The following TNRC18 variants were observed in gnomAD, a reference collection of about 807,000 sequenced individuals.
TNRC18 encodes the protein trinucleotide repeat containing 18.
Under a neutral mutation model 226.7 loss-of-function variants are expected in TNRC18, and 69 were observed. The ratio of observed to expected loss-of-function variants is 0.30; its 90% CI spans 0.25 to 0.37. The LOEUF (loss-of-function observed/expected upper bound fraction) is 0.37, where lower values mean the gene tolerates loss of function less well. TNRC18 is among the 10% of genes least tolerant of loss of function. The pLI is 1.00. For synonymous variants in TNRC18, 2,449 were observed against 1,927.6 expected (o/e 1.27, Z -7.09); for missense variants, 4,754 against 4,256.6 (o/e 1.12, Z -3.25).
chr7:5,403,371 G>A (rs1408692161), intron 2 of TNRC18, among the ~76,000 whole-genome samples: 1 of 152,112 alleles, frequency 6.6e-6, no homozygotes, highest in Non-Finnish European at 1.5e-5. Context: ...TGTTGGTCAG[G>A]CTGGTCTCGA....
rs1583721876 is a variant in TNRC18 at position 5,312,432 on chromosome 7, A to T, written c.8388+71T>A. 5.8e-6 allele frequency: 9 copies of T among 1,553,114 alleles called. No individual in the cohort carries two copies. Among genetic ancestry groups the T allele is most frequent in the African/African-American group, 2.7e-5 (2 of 73,476 alleles). Reference sequence around the variant, plus strand: ...TTACCACACACGGAGACACAGCATGAAGCCGTGGGCCCAGCAGAGAGACAC... The same window carrying T: ...TTACCACACACGGAGACACAGCATGTAGCCGTGGGCCCAGCAGAGAGACAC... On this transcript the variant is annotated intron_variant, in intron 27 of 29. Transcript: ENST00000430969. This position sits in a 1 kb window ranked among gnomAD's most constrained non-coding sequence, Gnocchi z 6.3.
chr7:5,362,059 AG>A, intron 12 of TNRC18, 26 bp from the exon 13 acceptor site: 8 of 1,608,432 alleles, frequency 5.0e-6, no homozygotes, highest in Non-Finnish European at 5.9e-6. Context: ...GGAGAGGAGG[AG>A]GGGGTGAGGA....
At chr7:5,408,170 G>A (rs1018634012) in intron 2 of TNRC18, among the ~76,000 whole-genome samples, 15 of 151,942 alleles carry the variant, frequency 9.9e-5, no homozygotes, top group Non-Finnish European at 1.6e-4. Flanking sequence ...GTGGTGGCGC[G>A]CGCCTCTAGT....
chr7:5,323,920 C>T (rs1788632567), intron 21 of TNRC18, among the ~76,000 whole-genome samples: 1 of 152,198 alleles, frequency 6.6e-6, no homozygotes, highest in African/African-American at 2.4e-5. Context: ...CACATCTAAC[C>T]TCAGAAAGCT....
rs375606030 is a variant in TNRC18 at position 5,376,959 on chromosome 7, G to T, written c.2496C>A (p.Ala832=). The change falls in exon 8 of 30, where the codon GCC becomes GCA. Residue 832 remains alanine (A), a synonymous_variant. Transcript: ENST00000430969. The part of the protein sequence containing the change: ...LGPPSLHQGM[A]PAFPPGLGGS... ...CCCCCAGGCCAGGTGGGAACGCAGG[G>T]GCCATGCCCTGGTGCAGAGATGGGG... 1.9e-6 allele frequency: 3 copies of T among 1,589,882 alleles called. No homozygotes were observed. In the East Asian group the frequency reaches 6.8e-5, roughly 36 times the overall value.
In TNRC18 at chr7:5,371,291, G is replaced by C; in HGVS notation, c.3303C>G (p.Pro1101=). 6.4e-7 allele frequency: 1 copy of C among 1,574,754 alleles called. No homozygotes were observed. Among genetic ancestry groups the C allele is most frequent in the Non-Finnish European group, 8.6e-7 (1 of 1,162,632 alleles). Residue 1101 remains proline, a synonymous_variant, in exon 11 of 30, where the codon CCC becomes CCG. Transcript: ENST00000430969. The stretch of plus-strand genomic sequence containing the variant: ...AGCCGTCCGCGTCGGCGGCGGCCGT[G>C]GGCTGCAGCAGGAAAGGGTAGGGCC... ...YGRPYPFLLQ[P]TAAADADGLA...
At chr7:5,345,516 C>CGGGGGGGGGGGGGCA in intron 18 of TNRC18, 46 bp downstream of exon 18, 1 of 354,368 alleles carries the variant, frequency 2.8e-6, no homozygotes, top group Non-Finnish European at 5.2e-6. Flanking sequence ...CAATGGCGTC[C>CGGGGGGGGGGGGGCA]GCCCCTCCCA....
At chr7:5,402,808 A>T (rs560368858) in intron 2 of TNRC18, among the ~76,000 whole-genome samples, 2 of 152,140 alleles carry the variant, frequency 1.3e-5, no homozygotes, top group South Asian at 4.1e-4. Context: ...GAGGCGACAC[A>T]GTGCCACTGC....
intron 18 of TNRC18, among the ~76,000 whole-genome samples, chr7:5,343,298 G>A (rs927004970): frequency 1.3e-5 from 2 of 152,130 alleles, no homozygotes; most frequent in African/African-American, 4.8e-5. Flanking sequence ...AGATTGCAGT[G>A]AGCAGAGATC....
intron 21 of TNRC18, among the ~76,000 whole-genome samples, chr7:5,322,410 C>T (rs1307783323): frequency 3.3e-5 from 5 of 152,096 alleles, no homozygotes; most frequent in Non-Finnish European, 7.4e-5. Context: ...GCCATCCTCC[C>T]ACCTTAGCCT....
chr7:5,312,578 G>A lies in TNRC18; in HGVS notation c.8313C>T (p.Ser2771=), dbSNP rs376771996. 3.7e-5 allele frequency: 59 copies of A among 1,611,078 alleles called. No homozygotes were observed. The highest frequency in any genetic ancestry group is 1.6e-4 in the East Asian group (7 of 44,876). ...CGGCGATCTTGGGCCGGTTCTCCAC[G>A]GACGGCAGGCGCTGCCGCTTGGCCA... is the stretch of plus-strand genomic sequence containing the variant. ...KELAKRQRLP[S]VENRPKIAAF... The change falls in exon 27 of 30, where the codon TCC becomes TCT. Residue 2771 remains serine, a synonymous_variant. Transcript: ENST00000430969. This position sits in a 1 kb window ranked among gnomAD's most constrained non-coding sequence, Gnocchi z 6.3.
In TNRC18 at chr7:5,408,238, G is replaced by A. The variant is rs992283131; in HGVS notation, c.187+12822C>T. Among the ~76,000 whole-genome samples, 11 of 150,962 alleles carry A rather than the reference G, an allele frequency of 7.3e-5. 1 individual carries two copies. The South Asian group carries it at 2.3e-3, about 32-fold the overall frequency. On this transcript the variant is annotated intron_variant, in intron 2 of 29. Coordinates refer to ENST00000430969, the MANE Select transcript of TNRC18 (RefSeq NM_001080495.3). Reference sequence around the variant, plus strand: ...CTCTTGAACCCGGGAAGCGGAGGTTGCAGCGAGCTGAGATCGTGCCACTGC... The same window carrying A: ...CTCTTGAACCCGGGAAGCGGAGGTTACAGCGAGCTGAGATCGTGCCACTGC...
chr7:5,317,928 GGTGTGATCTCGGCTCACTGCAACC>G (rs1187979163), intron 24 of TNRC18, among the ~76,000 whole-genome samples: 2 of 151,918 alleles, frequency 1.3e-5, no homozygotes, highest in East Asian at 3.9e-4. Context: ...AGAGTGCAGC[GGTGTGATCTCGGCTCACTGCAACC>G]TCTACTTCCC....
Position 5,388,122 on chromosome 7 carries a change from G to T in TNRC18, c.1702C>A (p.Pro568Thr). 1 of 1,552,882 alleles carries T rather than the reference G, an allele frequency of 6.4e-7. No homozygotes were observed. The highest frequency in any genetic ancestry group is 8.7e-7 in the Non-Finnish European group (1 of 1,148,894). The change falls in exon 5 of 30, where the codon CCG (proline) becomes ACG (threonine). Residue 568 changes from proline to threonine, a missense_variant. Physicochemically the swap from Pro to Thr is conservative, Grantham distance 38. Transcript: ENST00000430969. ...GCCGCAGAGTGCATGTCAGCGACCG[G>T]CCGGCCGCAGGTGGCCGCCGAGCGG... ...LPRSAATCGR[P>T]VADMHSAAHG...
chr7:5,383,269 T>A (rs115771214), intron 5 of TNRC18, among the ~76,000 whole-genome samples: 1,875 of 152,258 alleles, frequency 0.012, 39 homozygotes, highest in African/African-American at 0.042. Flanking sequence ...CTCACAAATG[T>A]AGGTAATGCC....
rs558401280 is a variant in TNRC18 at position 5,379,134 on chromosome 7, T to C, written c.2153-1110A>G. On this transcript the variant is annotated intron_variant, in intron 5 of 29. Transcript: ENST00000430969. ...ATCATTTGAACTCAGGAGGCAGAGG[T>C]TGCAGTGAGCCGAGATTGCACCACT... Among the ~76,000 whole-genome samples, 4 of 151,488 alleles carry C rather than the reference T, an allele frequency of 2.6e-5. No individual in the cohort carries two copies. In the South Asian group the frequency reaches 8.3e-4, roughly 32 times the overall value.
intron 15 of TNRC18, among the ~76,000 whole-genome samples, chr7:5,358,949 G>T (rs76531165): frequency 6.6e-6 from 1 of 152,216 alleles, no homozygotes; most frequent in Non-Finnish European, 1.5e-5. Flanking sequence ...AAGAATCAAG[G>T]AGTTGGCTCT....
intron 24 of TNRC18, among the ~76,000 whole-genome samples, chr7:5,317,298 G>A (rs1221672066): frequency 2.6e-5 from 4 of 152,106 alleles, no homozygotes; most frequent in Non-Finnish European, 5.9e-5. Flanking sequence ...GCTGCAGAAA[G>A]CTAAAATGAG....
intron 4 of TNRC18, chr7:5,389,646 G>C (rs1202413298): frequency 5.2e-6 from 1 of 191,038 alleles, no homozygotes. Context: ...ATACAGGTGG[G>C]GTTTCACCAT....
Sources: gnomAD v4.1 joint callset for allele counts (sites outside exome capture counted in the v4.1 genomes callset) on GRCh38, gnomAD v4.1.1 for gene constraint, Gnocchi (gnomAD v3.1) non-coding constraint, MANE v1.5 for transcripts, NCBI Gene and HGNC (gene_info 2026-07-23, HGNC 2026-07-21) for gene names.